The following PPP6R3 variants were observed in gnomAD, a reference collection of about 807,000 sequenced individuals.
The protein encoded by PPP6R3 is protein phosphatase 6 regulatory subunit 3, also known as serine/threonine-protein phosphatase 6 regulatory subunit 3.
In PPP6R3, 38 loss-of-function variants were observed where a neutral mutation model predicts 110.7. The observed-to-expected ratio is 0.34, with a 90% CI of 0.26 to 0.45. The LOEUF is 0.45. Among genes scored for constraint, PPP6R3 ranks in the 20% least tolerant of loss-of-function variants. The pLI is 1.00. For synonymous variants in PPP6R3, 369 were observed against 373.5 expected (o/e 0.99, Z 0.14); for missense variants, 870 against 1,062.4 (o/e 0.82, Z 2.52).
intron 1 of PPP6R3, among the ~76,000 whole-genome samples, chr11:68,499,764 A>G (rs557834137): frequency 6.6e-6 from 1 of 151,934 alleles, no homozygotes; most frequent in African/African-American, 2.4e-5. Context: ...TTGTAGTTGG[A>G]GTTTTGCCAT....
intron 12 of PPP6R3, 42 bp downstream of exon 12, chr11:68,571,146 T>C (rs2099503810): frequency 6.3e-7 from 1 of 1,575,678 alleles, no homozygotes; most frequent in Non-Finnish European, 8.6e-7. Flanking sequence ...GTTTGGTTGG[T>C]AATATGAGGA....
intron 13 of PPP6R3, 45 bp downstream of exon 13, chr11:68,574,269 G>A: frequency 6.6e-7 from 1 of 1,515,552 alleles, no homozygotes; most frequent in Non-Finnish European, 9.1e-7. Context: ...TTGGGTTGCA[G>A]GAAGGATTTA....
chr11:68,523,894 T>C (rs2099180383), intron 2 of PPP6R3, among the ~76,000 whole-genome samples: 1 of 152,160 alleles, frequency 6.6e-6, no homozygotes, highest in Non-Finnish European at 1.5e-5. Flanking sequence ...TATTTTGTTG[T>C]GTTACTAGAG....
intron 19 of PPP6R3, among the ~76,000 whole-genome samples, chr11:68,597,985 A>G (rs1178562316): frequency 3.3e-5 from 5 of 152,094 alleles, no homozygotes; most frequent in South Asian, 2.1e-4. Context: ...TCTGGGGAAA[A>G]AAAAAAAGTA....
intron 13 of PPP6R3, among the ~76,000 whole-genome samples, chr11:68,574,961 A>C (rs1378038918): frequency 2.0e-5 from 3 of 152,126 alleles, no homozygotes; most frequent in Non-Finnish European, 4.4e-5. Flanking sequence ...TTTTCTTAAG[A>C]ATGTTTGTTT....
chr11:68,611,089 T>G (rs1258866058), intron 23 of PPP6R3, among the ~76,000 whole-genome samples: 1 of 152,176 alleles, frequency 6.6e-6, no homozygotes, highest in Admixed American at 6.5e-5. Flanking sequence ...GTGAAGGCTT[T>G]TGGGGGAAGA....
intron 7 of PPP6R3, among the ~76,000 whole-genome samples, chr11:68,556,230 T>C (rs2099398985): frequency 6.6e-6 from 1 of 152,118 alleles, no homozygotes; most frequent in African/African-American, 2.4e-5. Flanking sequence ...TAAGCACAGA[T>C]AGCACATATG....
At chr11:68,521,821 G>C (rs1592470565) in intron 2 of PPP6R3, among the ~76,000 whole-genome samples, 1 of 152,160 alleles carries the variant, frequency 6.6e-6, no homozygotes, top group African/African-American at 2.4e-5. Flanking sequence ...CTGTAATACA[G>C]CTCTCTCTTA....
chr11:68,594,874 A>T (rs1012302658), intron 18 of PPP6R3, among the ~76,000 whole-genome samples: 7 of 152,244 alleles, frequency 4.6e-5, no homozygotes, highest in Non-Finnish European at 8.8e-5. Context: ...GGTAGGGCAT[A>T]GATCAGTGGA....
At chr11:68,538,522 T>C (rs1056441963) in intron 3 of PPP6R3, among the ~76,000 whole-genome samples, 2 of 152,046 alleles carry the variant, frequency 1.3e-5, no homozygotes, top group Non-Finnish European at 1.5e-5. Context: ...TTGGCTCTTT[T>C]CCCCCCAGAA....
At chr11:68,497,845 A>G (rs1246673451) in intron 1 of PPP6R3, among the ~76,000 whole-genome samples, 1 of 152,122 alleles carries the variant, frequency 6.6e-6, no homozygotes, top group Non-Finnish European at 1.5e-5. Context: ...CGTGGCCACA[A>G]AGATTAACTC....
chr11:68,461,469 C>G (rs976574462), intron 1 of PPP6R3, among the ~76,000 whole-genome samples: 2 of 143,318 alleles, frequency 1.4e-5, no homozygotes, highest in Non-Finnish European at 3.1e-5. Flanking sequence ...TCTCGAATGC[C>G]TCCCTGGTGT....
intron 1 of PPP6R3, among the ~76,000 whole-genome samples, chr11:68,462,021 C>T (rs1257495240): frequency 2.6e-5 from 4 of 152,136 alleles, no homozygotes; most frequent in Admixed American, 1.3e-4. Context: ...GCAAGTTACC[C>T]AGCTTCTCTT....
At chr11:68,526,930 A>AT (rs1183371886) in intron 2 of PPP6R3, among the ~76,000 whole-genome samples, 1 of 152,208 alleles carries the variant, frequency 6.6e-6, no homozygotes, top group East Asian at 1.9e-4. Context: ...GTAAGGCTGG[A>AT]TTTTTTGGTT....
chr11:68,497,743 A>G (rs1442680842), intron 1 of PPP6R3, among the ~76,000 whole-genome samples: 1 of 152,220 alleles, frequency 6.6e-6, no homozygotes, highest in African/African-American at 2.4e-5. Flanking sequence ...TTATTACTGA[A>G]GGATGAAAAC....
intron 1 of PPP6R3, among the ~76,000 whole-genome samples, chr11:68,493,860 TG>T (rs2098998893): frequency 6.6e-6 from 1 of 151,386 alleles, no homozygotes. Flanking sequence ...CTCAGCACTT[TG>T]GGAGGCTGAG....
At chr11:68,556,823 A>C (rs1259347065) in intron 7 of PPP6R3, among the ~76,000 whole-genome samples, 1 of 152,226 alleles carries the variant, frequency 6.6e-6, no homozygotes, top group Admixed American at 6.5e-5. Context: ...GTTTAGGTAA[A>C]ACTCAGAAGA....
chr11:68,532,784 A>G (rs762154524), intron 2 of PPP6R3, among the ~76,000 whole-genome samples: 1 of 152,234 alleles, frequency 6.6e-6, no homozygotes, highest in African/African-American at 2.4e-5. Flanking sequence ...CATTGTCACT[A>G]CTGCGTCTGT....
chr11:68,462,661 C>G (rs923474609), intron 1 of PPP6R3, among the ~76,000 whole-genome samples: 2 of 152,224 alleles, frequency 1.3e-5, no homozygotes, highest in African/African-American at 4.8e-5. Flanking sequence ...TTCTCCACTT[C>G]AGCATGTCTG....
Sources: gnomAD v4.1 joint callset for allele counts (sites outside exome capture counted in the v4.1 genomes callset) on GRCh38, gnomAD v4.1.1 for gene constraint, MANE v1.5 for transcripts, NCBI Gene and HGNC (gene_info 2026-07-23, HGNC 2026-07-21) for gene names.